USF3: variants seen among roughly 807,000 people sequenced by gnomAD.
The protein encoded by USF3 is basic helix-loop-helix domain-containing protein USF3.
Under a neutral mutation model 157.5 loss-of-function variants are expected in USF3, and 29 were observed. The observed-to-expected ratio is 0.18, with a 90% CI of 0.14 to 0.25. The LOEUF (loss-of-function observed/expected upper bound fraction) is 0.25, where lower values mean the gene tolerates loss of function less well. Ranked by LOEUF, USF3 falls within the 10% of genes least tolerant of loss-of-function variation. The pLI, the probability that USF3 is intolerant of heterozygous loss-of-function variation, is 1.00. For synonymous variants in USF3, 893 were observed against 941.4 expected (o/e 0.95, Z 0.94); for missense variants, 2,381 against 2,667.6 (o/e 0.89, Z 2.37).
chr3:113,664,998 T>C (rs1423971181), intron 5 of USF3, among the ~76,000 whole-genome samples: 2 of 152,104 alleles, frequency 1.3e-5, no homozygotes, highest in East Asian at 3.9e-4. Flanking sequence ...TCCAGAACTG[T>C]GAGAAATTAA....
Position 113,653,675 on chromosome 3 carries a change from A to T in USF3, c.*1269T>A, listed in dbSNP as rs1947304670. 1 of 151,762 alleles carries T rather than the reference A, an allele frequency of 6.6e-6. No individual in the cohort carries two copies. The highest frequency in any genetic ancestry group is 1.5e-5 in the Non-Finnish European group (1 of 67,974). The allele number at this position is 151,762 out of a possible 1,614,324, so 9.4% of individuals were successfully genotyped here. A position where few individuals can be genotyped will look rare whatever the true frequency, so the allele number is the denominator to read the frequency against. ...ATGCTTTAGCAGGTCTCAGGTCTCA[A>T]TTTCCCATTTTCAGATGGCAGGCCT... On this transcript the variant is annotated 3_prime_UTR_variant, in exon 7 of 7. Coordinates refer to ENST00000316407, the MANE Select transcript of USF3 (RefSeq NM_001009899.4).
chr3:113,682,208 C>A (rs556942418), intron 1 of USF3, among the ~76,000 whole-genome samples: 1 of 152,154 alleles, frequency 6.6e-6, no homozygotes, highest in South Asian at 2.1e-4. Context: ...GCCTGTAGTC[C>A]CAACTACTGC....
chr3:113,652,851 G>C lies in USF3; in HGVS notation c.*2093C>G, dbSNP rs1947288739. ...CAGACCTGTAATCTCAGCTACTCGG[G>C]AGGCTGAGGCTCAAGAATTTGCTTG... On this transcript the variant is annotated 3_prime_UTR_variant, in exon 7 of 7. Transcript: ENST00000316407. 1 of 242,298 alleles carries C rather than the reference G, an allele frequency of 4.1e-6. No individual in the cohort carries two copies. Among genetic ancestry groups the C allele is most frequent in the Non-Finnish European group, 8.1e-6 (1 of 124,002 alleles). 15.0% of individuals were successfully genotyped at this position (242,298 alleles called of 1,614,324 possible). A position where few individuals can be genotyped will look rare whatever the true frequency, so the allele number is the denominator to read the frequency against.
Position 113,651,198 on chromosome 3 carries a change from A to C in USF3, c.*3746T>G, listed in dbSNP as rs946040732. 2.0e-5 allele frequency: 3 copies of C among 152,236 alleles called. No individual in the cohort carries two copies. The highest frequency in any genetic ancestry group is 7.2e-5 in the African/African-American group (3 of 41,462). 9.4% of individuals were successfully genotyped at this position (152,236 alleles called of 1,614,324 possible). A position where few individuals can be genotyped will look rare whatever the true frequency, so the allele number is the denominator to read the frequency against. On this transcript the variant is annotated 3_prime_UTR_variant, in exon 7 of 7. Transcript: ENST00000316407. ...ATCAATAATGCTAAAAAAGAGACAG[A>C]GAAATGATTTAATCAATGACTGTCA...
chr3:113,661,492 G>T, intron 6 of USF3, 67 bp from the exon 7 acceptor site: 1 of 893,942 alleles, frequency 1.1e-6, no homozygotes, highest in Non-Finnish European at 1.7e-6. Flanking sequence ...ACTTGATAAA[G>T]AACTGTATAC....
chr3:113,692,237 C>T (rs984022794), intron 1 of USF3, among the ~76,000 whole-genome samples: 3 of 152,108 alleles, frequency 2.0e-5, no homozygotes, highest in African/African-American at 7.2e-5. Context: ...CTTCATACTC[C>T]CAAACATCCT....
chr3:113,660,640 G>A lies in USF3; in HGVS notation c.1042C>T (p.Pro348Ser). 1 of 1,614,176 alleles carries A rather than the reference G, an allele frequency of 6.2e-7. No homozygotes were observed. The highest frequency in any genetic ancestry group is 8.5e-7 in the Non-Finnish European group (1 of 1,180,030). The change falls in exon 7 of 7, where the codon CCC becomes TCC. Residue 348 changes from proline to serine, a missense_variant. Physicochemically the swap from Pro to Ser is moderately conservative, Grantham distance 74. This residue lies in a region of USF3 where 1,435 missense variants were observed against 1,550.9 expected (regional missense o/e 0.93). Coordinates refer to ENST00000316407, the MANE Select transcript of USF3 (RefSeq NM_001009899.4). Reference sequence around the variant, plus strand: ...GGAGAAGAATCACCTGCAGTTCTGGGAGGCTGCGAGCAGACTGTGGTGGTA... The same window carrying A: ...GGAGAAGAATCACCTGCAGTTCTGGAAGGCTGCGAGCAGACTGTGGTGGTA... ...SVTTTVCSQP[P>S]RTAGDSSPMS...
chr3:113,674,726 G>A (rs998637029), intron 3 of USF3, 106 bp downstream of exon 3: 47 of 818,078 alleles, frequency 5.7e-5, no homozygotes, highest in Non-Finnish European at 9.2e-5. Flanking sequence ...TAATTTCCTC[G>A]GTATCTAAAT....
rs571447647 is a variant in USF3 at position 113,656,637 on chromosome 3, T to G, written c.5045A>C (p.Glu1682Ala). Residue 1682 changes from glutamate to alanine, a missense_variant, in exon 7 of 7, where the codon GAG becomes GCG. Around this residue, in one of 6 missense-constraint regions of USF3, gnomAD observed 770 missense variants for 824.2 expected, o/e 0.93. Transcript: ENST00000316407. ...CTGAATTGATATCCCCATTCTCTGC[T>G]CTGAATTAGAAGATGTCTTTCCAAT... is the stretch of plus-strand genomic sequence containing the variant. ...ALIGKTSSNS[E>A]QRMGISIQGS... 1 of 1,614,232 alleles carries G rather than the reference T, an allele frequency of 6.2e-7. No homozygotes were observed. Among genetic ancestry groups the G allele is most frequent in the Non-Finnish European group, 8.5e-7 (1 of 1,180,038 alleles).
At chr3:113,693,756 A>G (rs535259558) in intron 1 of USF3, among the ~76,000 whole-genome samples, 1 of 152,380 alleles carries the variant, frequency 6.6e-6, no homozygotes, top group Admixed American at 6.5e-5. Context: ...AAGGGGGTCG[A>G]TCACTAAGAA....
At chr3:113,675,248 A>G (rs1577044254) in intron 2 of USF3, among the ~76,000 whole-genome samples, 1 of 152,184 alleles carries the variant, frequency 6.6e-6, no homozygotes, top group East Asian at 1.9e-4. Context: ...GAGTTGGGAG[A>G]GTATGCTATT....
chr3:113,656,807 A>G lies in USF3; in HGVS notation c.4875T>C (p.Asn1625=). 6.2e-7 allele frequency: 1 copy of G among 1,614,192 alleles called. No homozygotes were observed. The highest frequency in any genetic ancestry group is 8.5e-7 in the Non-Finnish European group (1 of 1,180,036). ...GVSSEHVSGH[N]PMQRLLTSRG... ...TTGATGTCAAAAGCCTCTGCATTGG[A>G]TTATGGCCAGATACATGTTCAGATG... The change falls in exon 7 of 7, where the codon AAT becomes AAC. Residue 1625 remains asparagine (N), a synonymous_variant. Coordinates refer to ENST00000316407, the MANE Select transcript of USF3 (RefSeq NM_001009899.4).
intron 5 of USF3, among the ~76,000 whole-genome samples, 158 bp downstream of exon 5, chr3:113,669,963 T>C (rs1383995384): frequency 1.3e-5 from 2 of 152,146 alleles, no homozygotes; most frequent in African/African-American, 4.8e-5. Flanking sequence ...TAAAAGATTG[T>C]TGGAAGAATG....
In USF3 at chr3:113,657,382, C is replaced by A; in HGVS notation, c.4300G>T (p.Ala1434Ser). ...TGCAGGGCCTGTAGATGCTGACTTG[C>A]CTGGGTTTGCTGCTGTTCAGCAACT... ...PSVAEQQQTQ[A>S]SQHLQALQQH... The change falls in exon 7 of 7, where the codon GCA becomes TCA. Residue 1434 changes from alanine to serine, a missense_variant. Transcript: ENST00000316407. 6.2e-7 allele frequency: 1 copy of A among 1,614,082 alleles called. No homozygotes were observed. The highest frequency in any genetic ancestry group is 8.5e-7 in the Non-Finnish European group (1 of 1,180,026).
At chr3:113,671,484 G>A (rs1412603866) in intron 4 of USF3, among the ~76,000 whole-genome samples, 1 of 152,128 alleles carries the variant, frequency 6.6e-6, no homozygotes, top group Non-Finnish European at 1.5e-5. Context: ...AAATGTTCCA[G>A]GCTTAAGTGT....
At position 113,649,482 on chromosome 3, in the gene USF3, A is replaced by T. The variant is rs1387396614; in HGVS notation, c.*5462T>A. On this transcript the variant is annotated 3_prime_UTR_variant, in exon 7 of 7. Coordinates refer to ENST00000316407, the MANE Select transcript of USF3 (RefSeq NM_001009899.4). ...ACCACATACAAGCTCTGAGTTTAAC[A>T]GGAGTTTTGCTACTAGGTTTTTTTT... 4.7e-6 allele frequency: 1 copy of T among 211,992 alleles called. No homozygotes were observed. Among genetic ancestry groups the T allele is most frequent in the African/African-American group, 2.3e-5 (1 of 43,770 alleles). The allele number at this position is 211,992 out of a possible 1,614,324, so 13.1% of individuals were successfully genotyped here.
chr3:113,671,345 A>G (rs141205373), intron 4 of USF3, among the ~76,000 whole-genome samples: 229 of 152,294 alleles, frequency 1.5e-3, no homozygotes, highest in Non-Finnish European at 2.5e-3. Flanking sequence ...CTTAAAATAG[A>G]TAAGAAAGAG....
chr3:113,654,904 G>A lies in USF3; in HGVS notation c.*40C>T. On this transcript the variant is annotated 3_prime_UTR_variant, in exon 7 of 7. Coordinates refer to ENST00000316407, the MANE Select transcript of USF3 (RefSeq NM_001009899.4). ...TGCACATGCACGCACAAATACATTT[G>A]TAATCTCACTCATTACCTTTACATT... 1.3e-6 allele frequency: 2 copies of A among 1,570,212 alleles called. No homozygotes were observed. Among genetic ancestry groups the A allele is most frequent in the Non-Finnish European group, 8.6e-7 (1 of 1,156,188 alleles).
intron 5 of USF3, among the ~76,000 whole-genome samples, chr3:113,669,202 G>T (rs1198621948): frequency 6.6e-6 from 1 of 151,930 alleles, no homozygotes; most frequent in Non-Finnish European, 1.5e-5. Context: ...ATAATGGAAG[G>T]ACTGAAGAAG....
Sources: allele counts gnomAD v4.1 joint callset (sites outside exome capture counted in the v4.1 genomes callset), GRCh38; gene constraint gnomAD v4.1.1; regional missense constraint gnomAD v4.1.1; transcripts MANE v1.5; gene names NCBI Gene and HGNC (gene_info 2026-07-23, HGNC 2026-07-21).